The following TBC1D19 variants were observed in gnomAD, a reference collection of about 807,000 sequenced individuals.
The protein encoded by TBC1D19 is TBC1 domain family member 19.
Under a neutral mutation model 89.0 loss-of-function variants are expected in TBC1D19, and 60 were observed. The observed-to-expected ratio is 0.67, with a 90% CI of 0.55 to 0.84. The LOEUF (loss-of-function observed/expected upper bound fraction) is 0.84. TBC1D19 is among the 40% of genes least tolerant of loss of function. TBC1D19 has a pLI of 0.00. For missense variants in TBC1D19, 500 were observed against 610.8 expected (o/e 0.82, Z 1.91); for synonymous variants, 189 against 199.7 (o/e 0.95, Z 0.45).
At chr4:26,812,065 A>G in the TBC1D19 span, among the ~76,000 whole-genome samples, 2 of 152,184 alleles carry the variant, frequency 1.3e-5, no homozygotes, top group Non-Finnish European at 2.9e-5. This position sits in a 1 kb window ranked among gnomAD's most constrained non-coding sequence, Gnocchi z 4.2. Context: ...CTAATGCTTC[A>G]GAGCCCTGAG....
intron 4 of TBC1D19, among the ~76,000 whole-genome samples, chr4:26,622,731 C>T (rs537044260): frequency 2.0e-5 from 3 of 152,230 alleles, no homozygotes; most frequent in Non-Finnish European, 2.9e-5. Context: ...AAAATAGTCA[C>T]GTTCATTCAT....
At chr4:26,702,745 C>A (rs1006049766) in intron 13 of TBC1D19, among the ~76,000 whole-genome samples, 7 of 152,118 alleles carry the variant, frequency 4.6e-5, no homozygotes, top group African/African-American at 1.7e-4. Flanking sequence ...CCTCTTAATA[C>A]CTTTTTAAGT....
chr4:26,580,886 G>T (rs1397756422), upstream of TBC1D19, among the ~76,000 whole-genome samples: 1 of 152,126 alleles, frequency 6.6e-6, no homozygotes, highest in African/African-American at 2.4e-5. Flanking sequence ...GTTTTCAAAT[G>T]CATCCTCTGC....
intron 19 of TBC1D19, among the ~76,000 whole-genome samples, chr4:26,752,394 C>A (rs1261196428): frequency 6.6e-6 from 1 of 151,812 alleles, no homozygotes; most frequent in African/African-American, 2.4e-5. Context: ...CAGGAATGCA[C>A]CACAGTGGCT....
chr4:26,777,344 AGGTTGGT>A, the TBC1D19 span, among the ~76,000 whole-genome samples: 1 of 152,168 alleles, frequency 6.6e-6, no homozygotes, highest in South Asian at 2.1e-4. Flanking sequence ...CATATTGGTC[AGGTTGGT>A]CTCGAACTCC....
At position 26,602,585 on chromosome 4, in the gene TBC1D19, C is replaced by T. The variant is rs1215883061; in HGVS notation, c.100-10584C>T. Among the ~76,000 whole-genome samples the T allele has an allele frequency of 3.3e-5, 5 of 151,908 alleles. No homozygotes were observed. In the East Asian group the frequency reaches 7.8e-4, roughly 24 times the overall value. Reference sequence around the variant, plus strand: ...CCTCCTGAGTAGCTGGGACTACAAGCGCCCGCCACCATGCCCAACTAATTT... The same window carrying T: ...CCTCCTGAGTAGCTGGGACTACAAGTGCCCGCCACCATGCCCAACTAATTT... On this transcript the variant is annotated intron_variant, in intron 1 of 20. Coordinates refer to ENST00000264866, the MANE Select transcript of TBC1D19 (RefSeq NM_018317.4).
At chr4:26,651,020 A>G (rs1158653892) in intron 7 of TBC1D19, among the ~76,000 whole-genome samples, 1 of 152,094 alleles carries the variant, frequency 6.6e-6, no homozygotes, top group Admixed American at 6.6e-5. Flanking sequence ...AAGATCAGAT[A>G]GTTGTAGATA....
At chr4:26,735,570 A>G (rs1717995549) in intron 16 of TBC1D19, 83 bp downstream of exon 16, 2 of 1,266,948 alleles carry the variant, frequency 1.6e-6, no homozygotes, top group Non-Finnish European at 2.1e-6. Context: ...ACTGACAGAT[A>G]TAATTGTTTT....
the TBC1D19 span, among the ~76,000 whole-genome samples, chr4:26,802,069 G>T: frequency 6.6e-6 from 1 of 152,016 alleles, no homozygotes; most frequent in African/African-American, 2.4e-5. Flanking sequence ...CCTTTATCCA[G>T]AAGTCACACT....
chr4:26,721,763 T>C lies in TBC1D19; in HGVS notation c.1084+1638T>C, dbSNP rs1455850477. ...TCATTTTCCACTATTTCCCATCTCA[T>C]TTTTAATTATAGCAATATCAAACTA... On this transcript the variant is annotated intron_variant, in intron 15 of 20. Coordinates refer to ENST00000264866, the MANE Select transcript of TBC1D19 (RefSeq NM_018317.4). Among the ~76,000 whole-genome samples, 3 of 152,164 alleles carry C rather than the reference T, an allele frequency of 2.0e-5. No homozygotes were observed. The East Asian group carries it at 5.8e-4, about 29-fold the overall frequency.
At chr4:26,587,970 T>C (rs1739519046) in intron 1 of TBC1D19, among the ~76,000 whole-genome samples, 1 of 151,930 alleles carries the variant, frequency 6.6e-6, no homozygotes, top group South Asian at 2.1e-4. Context: ...TTTTAGTGTC[T>C]GTAGGATTTG....
At chr4:26,708,938 A>G (rs1158287267) in intron 13 of TBC1D19, among the ~76,000 whole-genome samples, 1 of 150,704 alleles carries the variant, frequency 6.6e-6, no homozygotes, top group Admixed American at 6.6e-5. Flanking sequence ...AAGTCTTTCT[A>G]TAGCAAATCT....
intron 1 of TBC1D19, among the ~76,000 whole-genome samples, chr4:26,590,796 GTTTTTTTTTTTTTTT>G (rs869124166): frequency 4.2e-4 from 22 of 52,962 alleles, no homozygotes; most frequent in African/African-American, 9.1e-4. Context: ...TTGCAGGTCT[GTTTTTTTTTTTTTTT>G]TTTTTTTTTT....
intron 1 of TBC1D19, among the ~76,000 whole-genome samples, chr4:26,597,140 C>T (rs1740274028): frequency 6.6e-6 from 1 of 152,036 alleles, no homozygotes; most frequent in South Asian, 2.1e-4. Context: ...TTGTTTGTTC[C>T]ATCAGCTATT....
At chr4:26,827,147 T>G in the TBC1D19 span, among the ~76,000 whole-genome samples, 1 of 152,240 alleles carries the variant, frequency 6.6e-6, no homozygotes, top group Non-Finnish European at 1.5e-5. Context: ...TCCATAGCCT[T>G]TCCTGGCTCC....
chr4:26,834,437 G>A, the TBC1D19 span, among the ~76,000 whole-genome samples: 1 of 152,124 alleles, frequency 6.6e-6, no homozygotes, highest in Non-Finnish European at 1.5e-5. Flanking sequence ...CATGGACAGT[G>A]TTGGGGGTTG....
chr4:26,657,595 A>G (rs1384393010), intron 7 of TBC1D19, among the ~76,000 whole-genome samples: 1 of 152,214 alleles, frequency 6.6e-6, no homozygotes, highest in Non-Finnish European at 1.5e-5. Context: ...CTTTGGGTAT[A>G]TACCCAGTAA....
intron 17 of TBC1D19, 70 bp from the exon 18 acceptor site, chr4:26,742,438 A>C: frequency 7.8e-7 from 1 of 1,285,948 alleles, no homozygotes; most frequent in Non-Finnish European, 1.1e-6. Context: ...CCATTTGAAT[A>C]ATTTGTTGGC....
chr4:26,675,086 G>T (rs886326316), intron 11 of TBC1D19, among the ~76,000 whole-genome samples: 2 of 151,972 alleles, frequency 1.3e-5, no homozygotes, highest in African/African-American at 4.8e-5. Context: ...AGAGAAAATA[G>T]TTTATAAAAT....
Sources: allele counts gnomAD v4.1 joint callset (sites outside exome capture counted in the v4.1 genomes callset), GRCh38; gene constraint gnomAD v4.1.1; non-coding constraint Gnocchi (gnomAD v3.1); transcripts MANE v1.5; gene names NCBI Gene and HGNC (gene_info 2026-07-23, HGNC 2026-07-21).